The following CTBP2 variants were observed in gnomAD, a reference collection of about 807,000 sequenced individuals.
CTBP2 encodes C-terminal-binding protein 2.
A neutral mutation model predicts 80.3 loss-of-function variants in CTBP2; 30 were observed. The observed-to-expected ratio is 0.37, with a 90% CI of 0.28 to 0.51. The LOEUF is 0.51. CTBP2 is among the 20% of genes least tolerant of loss of function. CTBP2 has a pLI of 0.93. For synonymous variants in CTBP2, 594 were observed against 587.4 expected, an observed-to-expected ratio of 1.01 and a Z score of -0.16; for missense variants, 1,212 against 1,375.3, an observed-to-expected ratio of 0.88 and a Z score of 1.88.
At chr10:125,094,490 T>C (rs1849253154) in intron 2 of CTBP2, among the ~76,000 whole-genome samples, 1 of 152,226 alleles carries the variant, frequency 6.6e-6, no homozygotes, top group Non-Finnish European at 1.5e-5. Context: ...ACGCTCCACC[T>C]CTGACAACGG....
rs1952002376 is a variant in CTBP2 at position 124,985,026 on chromosome 10, C to A, written c.*4492G>T. 6.6e-7 allele frequency: 1 copy of A among 1,517,422 alleles called. No homozygotes were observed. Among genetic ancestry groups the A allele is most frequent in the Non-Finnish European group, 9.0e-7 (1 of 1,109,262 alleles). 94.0% of individuals were successfully genotyped at this position (1,517,422 alleles called of 1,614,324 possible). ...ATCAAACAGCAGAAGACCAAGGCATCAGATCTGTAATGACCCTAAAGTTAG... is the reference window on the plus strand; with the variant it reads ...ATCAAACAGCAGAAGACCAAGGCATAAGATCTGTAATGACCCTAAAGTTAG... On this transcript the variant is annotated 3_prime_UTR_variant, in exon 9 of 9. Coordinates refer to ENST00000309035, the MANE Select transcript of CTBP2 (RefSeq NM_022802.3).
At chr10:125,119,323 C>T (rs774038247) in intron 1 of CTBP2, among the ~76,000 whole-genome samples, 1 of 152,140 alleles carries the variant, frequency 6.6e-6, no homozygotes, top group African/African-American at 2.4e-5. Flanking sequence ...ACTCCCACTG[C>T]GGTGGAAGGA....
intron 1 of CTBP2, chr10:125,005,682 G>A: frequency 6.2e-7 from 1 of 1,612,912 alleles, no homozygotes; most frequent in Non-Finnish European, 8.5e-7. Flanking sequence ...CTGGGCTCCT[G>A]TTTTCTGCTA....
Position 124,985,073 on chromosome 10 carries a change from G to T in CTBP2, c.*4445C>A, listed in dbSNP as rs548260457. 6.9e-6 allele frequency: 8 copies of T among 1,159,702 alleles called. No homozygotes were observed. The highest frequency in any genetic ancestry group is 9.9e-6 in the Non-Finnish European group (8 of 810,954). The allele number at this position is 1,159,702 out of a possible 1,614,324, so 71.8% of individuals were successfully genotyped here. ...TTAGTGTGGTGCTCCAAGCAGAGTC[G>T]ACATCATGGAATGAACCAAATCTGG... On this transcript the variant is annotated 3_prime_UTR_variant, in exon 9 of 9. Coordinates refer to ENST00000309035, the MANE Select transcript of CTBP2 (RefSeq NM_022802.3).
intron 2 of CTBP2, among the ~76,000 whole-genome samples, chr10:125,101,728 C>T (rs1007262268): frequency 1.3e-5 from 2 of 152,190 alleles, no homozygotes; most frequent in Non-Finnish European, 2.9e-5. Flanking sequence ...CCACAGGTAC[C>T]GGCTTGGAGA....
chr10:125,083,724 G>C (rs545031428), intron 2 of CTBP2, among the ~76,000 whole-genome samples: 1 of 152,072 alleles, frequency 6.6e-6, no homozygotes. Flanking sequence ...GTCCTGCCAC[G>C]TCAGCTTCTC....
At chr10:125,112,594 A>G (rs893709804) in intron 1 of CTBP2, among the ~76,000 whole-genome samples, 2 of 151,310 alleles carry the variant, frequency 1.3e-5, no homozygotes, top group Non-Finnish European at 2.9e-5. Flanking sequence ...ATGCCCGGAT[A>G]ATTTTTGTAT....
intron 1 of CTBP2, among the ~76,000 whole-genome samples, chr10:125,128,292 G>A (rs185640127): frequency 7.2e-5 from 11 of 152,310 alleles, no homozygotes; most frequent in Admixed American, 2.0e-4. Context: ...ATGTCAGAAA[G>A]AACCAGGAAC....
intron 2 of CTBP2, among the ~76,000 whole-genome samples, chr10:125,095,330 C>T (rs1849386074): frequency 6.6e-6 from 1 of 152,178 alleles, no homozygotes; most frequent in Admixed American, 6.5e-5. Flanking sequence ...CAGCATCCAC[C>T]AGCCCAAACT....
Position 125,003,033 on chromosome 10 carries a change from G to A in CTBP2, c.1905C>T (p.Phe635=), listed in dbSNP as rs776936228. The A allele has an allele frequency of 3.7e-6, 6 of 1,614,060 alleles. No homozygotes were observed. The highest frequency in any genetic ancestry group is 1.7e-4 in the Middle Eastern group (1 of 6,060). ...TCCGCACGATCACTCTCAGGGCCTT[G>A]AACTTCTCCAGGTCCTCCCTGGTGA... Residue 635 remains phenylalanine, a synonymous_variant, in exon 3 of 9, where the codon TTC becomes TTT. Coordinates refer to ENST00000309035, the MANE Select transcript of CTBP2 (RefSeq NM_022802.3).
At chr10:125,067,538 T>C (rs1407634993) in intron 2 of CTBP2, among the ~76,000 whole-genome samples, 2 of 152,224 alleles carry the variant, frequency 1.3e-5, no homozygotes, top group African/African-American at 2.4e-5. Context: ...AAACTGTTCT[T>C]AAAAATATCC....
At chr10:125,003,126 G>T in intron 2 of CTBP2, 22 bp from the exon 5 acceptor site, 1 of 1,613,382 alleles carries the variant, frequency 6.2e-7, no homozygotes, top group Non-Finnish European at 8.5e-7. Flanking sequence ...CAGAGCACAG[G>T]GTCGGAGCCC....
chr10:125,082,156 C>A (rs546336514), intron 2 of CTBP2, among the ~76,000 whole-genome samples: 4 of 152,338 alleles, frequency 2.6e-5, no homozygotes, highest in South Asian at 2.1e-4. Flanking sequence ...CTGGCCACGC[C>A]GGAGCTGGGG....
At chr10:125,149,561 G>T (rs138995471) in intron 1 of CTBP2, among the ~76,000 whole-genome samples, 2 of 152,164 alleles carry the variant, frequency 1.3e-5, no homozygotes, top group East Asian at 1.9e-4. Flanking sequence ...GAGGCGGGGG[G>T]CACCCAACAT....
chr10:124,998,811 C>A (rs1298236109), intron 3 of CTBP2: 1 of 156,768 alleles, frequency 6.4e-6, no homozygotes, highest in Non-Finnish European at 1.4e-5. Flanking sequence ...AGACAGGATG[C>A]CCTCCCTGCC....
intron 2 of CTBP2, among the ~76,000 whole-genome samples, chr10:125,083,518 TACC>T (rs1444112475): frequency 1.3e-5 from 2 of 152,050 alleles, no homozygotes; most frequent in African/African-American, 4.8e-5. Flanking sequence ...AAGGAAAAGA[TACC>T]ACATTACCGT....
In CTBP2 at chr10:125,026,890, G is replaced by C. The variant is rs111660964; in HGVS notation, c.870C>G (p.Leu290=). The C allele has an allele frequency of 2.1e-5, 34 of 1,613,966 alleles. No homozygotes were observed. In the African/African-American group the frequency reaches 3.6e-4, roughly 17 times the overall value. ...CCCGCAGAAAGGCCAGGAACTCAGG[G>C]AGCACGGTCCTCTTGCCACCAGGAC... is the stretch of plus-strand genomic sequence containing the variant. Residue 290 remains leucine, a synonymous_variant, in exon 1 of 9, where the codon CTC becomes CTG. Transcript: ENST00000309035.
chr10:125,050,710 T>C (rs943413639), intron 2 of CTBP2, among the ~76,000 whole-genome samples: 1 of 152,250 alleles, frequency 6.6e-6, no homozygotes, highest in African/African-American at 2.4e-5. Flanking sequence ...TGTTTCACAG[T>C]GGCTTCCAGT....
intron 1 of CTBP2, among the ~76,000 whole-genome samples, chr10:125,156,442 A>G (rs539127138): frequency 6.6e-6 from 1 of 152,238 alleles, no homozygotes; most frequent in African/African-American, 2.4e-5. Flanking sequence ...TGCAAAGGGT[A>G]TAACTTTGCT....
Sources: gnomAD v4.1 joint callset for allele counts (sites outside exome capture counted in the v4.1 genomes callset) on GRCh38, gnomAD v4.1.1 for gene constraint, MANE v1.5 for transcripts, NCBI Gene and HGNC (gene_info 2026-07-23, HGNC 2026-07-21) for gene names.